The following TMEM114 variants were observed in gnomAD, a reference collection of about 807,000 sequenced individuals.
TMEM114 encodes the protein claudin-26.
TMEM114 carries 6 observed loss-of-function variants against 6.2 expected under a neutral mutation model. That is an observed-to-expected ratio of 0.97 (90% CI 0.53 to 1.91). TMEM114 has a LOEUF of 1.91. Ranked by LOEUF, TMEM114 falls within the 40% of genes most tolerant of loss-of-function variation. TMEM114 has a pLI of 0.01. For missense variants in TMEM114, 218 were observed against 158.3 expected, an observed-to-expected ratio of 1.38 and a Z score of -2.02; for synonymous variants, 104 against 73.0, an observed-to-expected ratio of 1.42 and a Z score of -2.16.
At chr16:8,536,960 C>G (rs887995937), downstream of TMEM114, among the ~76,000 whole-genome samples, 2 of 152,048 alleles carry the variant, frequency 1.3e-5, no homozygotes, top group African/African-American at 2.4e-5. Context: ...GTAATTCCAT[C>G]AGGTGTGAGC....
downstream of TMEM114, among the ~76,000 whole-genome samples, chr16:8,536,431 A>G (rs1900362049): frequency 6.6e-6 from 1 of 152,170 alleles, no homozygotes; most frequent in African/African-American, 2.4e-5. Flanking sequence ...CTCTAAAATG[A>G]GAAGGTTGAC....
downstream of TMEM114, among the ~76,000 whole-genome samples, chr16:8,565,497 G>A (rs577704282): frequency 6.6e-6 from 1 of 152,148 alleles, no homozygotes; most frequent in South Asian, 2.1e-4. Flanking sequence ...AGCCTCCCCA[G>A]CAAAGGGACA....
At chr16:8,560,029 C>G (rs916520597) in intron 2 of TMEM114, among the ~76,000 whole-genome samples, 1 of 152,184 alleles carries the variant, frequency 6.6e-6, no homozygotes, top group Admixed American at 6.5e-5. Flanking sequence ...TAGGGTCTCA[C>G]TCTGTTACCC....
At chr16:8,585,498 G>T (rs761482390) in intron 2 of TMEM114, among the ~76,000 whole-genome samples, 3 of 152,030 alleles carry the variant, frequency 2.0e-5, no homozygotes, top group South Asian at 2.1e-4. Context: ...CTTGTCGAAC[G>T]TGCTGCTTGT....
At chr16:8,527,910 ATTTG>A in the TMEM114 span, among the ~76,000 whole-genome samples, 2 of 151,602 alleles carry the variant, frequency 1.3e-5, no homozygotes, top group African/African-American at 2.4e-5. Flanking sequence ...TTCTTTTTTT[ATTTG>A]TTTGTTTGTT....
intron 2 of TMEM114, among the ~76,000 whole-genome samples, chr16:8,563,383 G>A (rs1271257870): frequency 1.3e-5 from 2 of 150,236 alleles, no homozygotes; most frequent in Admixed American, 6.6e-5. Flanking sequence ...ATGAGTGAAT[G>A]AGTGAGTGAA....
chr16:8,541,755 G>T (rs1900520662), intron 2 of TMEM114, among the ~76,000 whole-genome samples: 1 of 152,074 alleles, frequency 6.6e-6, no homozygotes, highest in Non-Finnish European at 1.5e-5. Flanking sequence ...CCCAACATAA[G>T]CCACTATATT....
At chr16:8,533,108 A>G (rs1368064848), downstream of TMEM114, among the ~76,000 whole-genome samples, 1 of 151,904 alleles carries the variant, frequency 6.6e-6, no homozygotes, top group African/African-American at 2.4e-5. Context: ...CAAAGCTTAC[A>G]TTGGACTGGA....
At position 8,550,389 on chromosome 16, in the gene TMEM114, G is replaced by T. The variant is rs905538701; in HGVS notation, n.213-12563C>A. Among the ~76,000 whole-genome samples, 19 of 152,230 alleles carry T rather than the reference G, an allele frequency of 1.2e-4. No homozygotes were observed. The South Asian group carries it at 2.5e-3, about 20-fold the overall frequency. ...TCGTGTTCTCTGGAATCTAAAATCT[G>T]GTCCCTCCTGGCCGGGTGCGGTGGC... On this transcript the variant is annotated intron_variant and non_coding_transcript_variant, in intron 2 of 2. Transcript: ENST00000623677.
At chr16:8,552,517 C>T (rs1900879045) in intron 2 of TMEM114, among the ~76,000 whole-genome samples, 1 of 152,112 alleles carries the variant, frequency 6.6e-6, no homozygotes, top group Admixed American at 6.5e-5. Context: ...TGCACACACA[C>T]ACACACACAC....
intron 2 of TMEM114, among the ~76,000 whole-genome samples, chr16:8,556,608 T>C (rs1901017292): frequency 6.6e-6 from 1 of 152,042 alleles, no homozygotes; most frequent in Non-Finnish European, 1.5e-5. Flanking sequence ...ATCAAGTGAT[T>C]CTCCTGCCCC....
intron 2 of TMEM114, among the ~76,000 whole-genome samples, chr16:8,539,368 C>G (rs1900453674): frequency 6.6e-6 from 1 of 152,178 alleles, no homozygotes; most frequent in Admixed American, 6.5e-5. Flanking sequence ...CCAAGACCCA[C>G]TTACCCAGAA....
intron 2 of TMEM114, among the ~76,000 whole-genome samples, chr16:8,581,911 C>G (rs940019337): frequency 6.6e-6 from 1 of 152,210 alleles, no homozygotes; most frequent in African/African-American, 2.4e-5. Context: ...GCCTGCAGCA[C>G]AGCTATGCAT....
chr16:8,564,125 GTGAGTTAGTGAATGAGTGAGTGAA>G (rs1196292328), intron 2 of TMEM114, among the ~76,000 whole-genome samples: 102 of 151,414 alleles, frequency 6.7e-4, no homozygotes, highest in African/African-American at 2.0e-3. Flanking sequence ...AAGTGAATGA[GTGAGTTAGTGAATGAGTGAGTGAA>G]TGAGTTAGTG....
chr16:8,539,221 T>G (rs990656479), intron 2 of TMEM114, among the ~76,000 whole-genome samples: 4 of 152,106 alleles, frequency 2.6e-5, no homozygotes, highest in Non-Finnish European at 5.9e-5. Context: ...CTGGGCCAAC[T>G]GCCCTCAGGG....
Position 8,589,704 on chromosome 16 carries a change from C to T in TMEM114, c.135G>A (p.Pro45=), listed in dbSNP as rs1370185158. The T allele has an allele frequency of 7.5e-6, 3 of 398,386 alleles. No individual in the cohort carries two copies. Among genetic ancestry groups the T allele is most frequent in the East Asian group, 3.6e-5 (1 of 28,078 alleles). 24.7% of individuals were successfully genotyped at this position (398,386 alleles called of 1,614,324 possible). The part of the protein sequence containing the change: ...IDTERLERTG[P]GAQDLLGSIN... Reference sequence around the variant, plus strand: ...TGGACCCCAGCAGGTCCTGCGCCCCCGGGCCAGTCCTCTCCAGCCGCTCGG... The same window carrying T: ...TGGACCCCAGCAGGTCCTGCGCCCCTGGGCCAGTCCTCTCCAGCCGCTCGG... The change falls in exon 1 of 4, where the codon CCG becomes CCA. Residue 45 remains proline (P), a synonymous_variant. Coordinates refer to ENST00000620492, the MANE Select transcript of TMEM114 (RefSeq NM_001146336.2).
chr16:8,589,010 C>A (rs1195611560), intron 2 of TMEM114, among the ~76,000 whole-genome samples: 4 of 152,154 alleles, frequency 2.6e-5, no homozygotes, highest in Admixed American at 2.0e-4. Flanking sequence ...GCTGAATGAA[C>A]CCTAAACCAC....
chr16:8,568,225 C>T (rs1267769622), downstream of TMEM114, among the ~76,000 whole-genome samples: 1 of 152,196 alleles, frequency 6.6e-6, no homozygotes, highest in Non-Finnish European at 1.5e-5. Flanking sequence ...CCTCTCTCTC[C>T]TCAATCATGT....
At chr16:8,541,321 T>A (rs1174579970) in intron 2 of TMEM114, among the ~76,000 whole-genome samples, 2 of 152,086 alleles carry the variant, frequency 1.3e-5, no homozygotes, top group African/African-American at 2.4e-5. Context: ...CAATTTGTCA[T>A]ACAAATGAGG....
Sources: allele counts gnomAD v4.1 joint callset (sites outside exome capture counted in the v4.1 genomes callset), GRCh38; gene constraint gnomAD v4.1.1; transcripts MANE v1.5; gene names NCBI Gene and HGNC (gene_info 2026-07-23, HGNC 2026-07-21).